PKIG: variants seen among roughly 807,000 people sequenced by gnomAD.
PKIG encodes protein kinase (cAMP-dependent, catalytic) inhibitor gamma.
PKIG carries 1 observed loss-of-function variant against 6.8 expected under a neutral mutation model. The ratio of observed to expected loss-of-function variants is 0.15; its 90% CI spans 0.05 to 0.69. PKIG has a LOEUF of 0.69. Among genes scored for constraint, PKIG ranks in the 30% least tolerant of loss-of-function variants. The pLI, the probability that PKIG is intolerant of heterozygous loss-of-function variation, is 0.82. For synonymous variants in PKIG, 39 were observed against 43.0 expected, an observed-to-expected ratio of 0.91 and a Z score of 0.36; for missense variants, 77 against 104.0, an observed-to-expected ratio of 0.74 and a Z score of 1.13.
At chr20:44,540,313 C>G (rs564165308) in intron 1 of PKIG, among the ~76,000 whole-genome samples, 1 of 152,208 alleles carries the variant, frequency 6.6e-6, no homozygotes, top group East Asian at 1.9e-4. Flanking sequence ...GTTTCCCAGT[C>G]AAGGATTCAT....
chr20:44,607,825 C>T (rs2065180037), intron 2 of PKIG, among the ~76,000 whole-genome samples: 1 of 151,900 alleles, frequency 6.6e-6, no homozygotes, highest in African/African-American at 2.4e-5. Flanking sequence ...GCTGGGACTA[C>T]AGGCGCCCAC....
At chr20:44,540,494 T>A (rs1372136247) in intron 1 of PKIG, among the ~76,000 whole-genome samples, 4 of 152,206 alleles carry the variant, frequency 2.6e-5, no homozygotes, top group African/African-American at 9.7e-5. Context: ...CCTGGTCAAA[T>A]TGAACTGGAT....
intron 1 of PKIG, among the ~76,000 whole-genome samples, chr20:44,549,276 C>T (rs1428052816): frequency 1.3e-5 from 2 of 152,060 alleles, no homozygotes; most frequent in Admixed American, 6.6e-5. Context: ...AAAACACGTA[C>T]AAGATACAGT....
At chr20:44,584,055 TTGAG>T (rs1363189315) in intron 1 of PKIG, among the ~76,000 whole-genome samples, 1 of 152,210 alleles carries the variant, frequency 6.6e-6, no homozygotes, top group Non-Finnish European at 1.5e-5. Context: ...ATTGGCATTA[TTGAG>T]TATCTCTTAA....
At chr20:44,544,875 C>G (rs1029891062) in intron 1 of PKIG, among the ~76,000 whole-genome samples, 8 of 148,634 alleles carry the variant, frequency 5.4e-5, no homozygotes, top group Admixed American at 1.3e-4. Context: ...TTTACATTGA[C>G]TTTCCTCTTT....
chr20:44,552,166 C>T (rs1235978289), intron 1 of PKIG, among the ~76,000 whole-genome samples: 2 of 152,098 alleles, frequency 1.3e-5, no homozygotes. Context: ...TTACTTTTCT[C>T]TGTTGTCTGT....
intron 1 of PKIG, among the ~76,000 whole-genome samples, chr20:44,543,899 C>T (rs750342857): frequency 1.9e-4 from 29 of 151,924 alleles, no homozygotes; most frequent in Middle Eastern, 3.2e-3. Context: ...CCCGTCTCTA[C>T]TAAAAATACA....
In PKIG at chr20:44,614,583, G is replaced by A. The variant is rs2065246737; in HGVS notation, c.27G>A (p.Ser9=). ...TGATGGAGGTCGAGTCCTCCTACTC[G>A]GACTTCATCTCCTGTGACCGGACAG... MMEVESSY[S]DFISCDRTGR... Residue 9 remains serine (S), a synonymous_variant, in exon 3 of 4, where the codon TCG becomes TCA. Coordinates refer to ENST00000372886, the MANE Select transcript of PKIG (RefSeq NM_001281445.2). This position sits in a 1 kb window ranked among gnomAD's most constrained non-coding sequence, Gnocchi z 4.6. 3 of 1,614,060 alleles carry A rather than the reference G, an allele frequency of 1.9e-6. No individual in the cohort carries two copies. Among genetic ancestry groups the A allele is most frequent in the Admixed American group, 1.7e-5 (1 of 60,018 alleles).
intron 3 of PKIG, among the ~76,000 whole-genome samples, chr20:44,617,408 A>G (rs2123491437): frequency 6.6e-6 from 1 of 152,248 alleles, no homozygotes; most frequent in Admixed American, 6.5e-5. Context: ...CAGCCTGAGG[A>G]GGAAAGCATG....
chr20:44,558,563 C>CTTTT (rs1460080835), intron 1 of PKIG, among the ~76,000 whole-genome samples: 1 of 140,958 alleles, frequency 7.1e-6, no homozygotes, highest in African/African-American at 2.8e-5. Context: ...CTTTTTCTTT[C>CTTTT]TTTTTTTCTT....
At position 44,614,340 on chromosome 20, in the gene PKIG, ATGG is replaced by A; in HGVS notation, c.-23-189_-23-187del. ...TGAGCCCATGTTCTTTAAAATGTTG[ATGG>A]TGGTTGTCTGGGTGTGGAATTATGA... On this transcript the variant is annotated intron_variant, in intron 2 of 3. Transcript: ENST00000372886. The surrounding 1 kb of genome is among the most constrained non-coding windows in gnomAD (Gnocchi z 4.6). 1 of 507,146 alleles carries A rather than the reference ATGG, an allele frequency of 2.0e-6. No individual in the cohort carries two copies. Among genetic ancestry groups the A allele is most frequent in the Non-Finnish European group, 3.5e-6 (1 of 285,690 alleles). 31.4% of individuals were successfully genotyped at this position (507,146 alleles called of 1,614,324 possible). A position where few individuals can be genotyped will look rare whatever the true frequency, so the allele number is the denominator to read the frequency against.
chr20:44,566,985 G>C (rs2064815830), intron 1 of PKIG, among the ~76,000 whole-genome samples: 1 of 152,134 alleles, frequency 6.6e-6, no homozygotes, highest in Admixed American at 6.6e-5. Flanking sequence ...CATTTCCTTA[G>C]GAGTTTTGTC....
intron 1 of PKIG, among the ~76,000 whole-genome samples, chr20:44,539,453 C>T (rs2064541342): frequency 6.7e-6 from 1 of 148,672 alleles, no homozygotes; most frequent in Non-Finnish European, 1.5e-5. Context: ...AAGTTTTGCT[C>T]TTGTTGCCCA....
chr20:44,589,330 G>T (rs906418944), intron 1 of PKIG, among the ~76,000 whole-genome samples: 1 of 151,610 alleles, frequency 6.6e-6, no homozygotes, highest in African/African-American at 2.4e-5. Flanking sequence ...AGTGAGACCT[G>T]GTCTCTTAAA....
At chr20:44,573,798 A>G (rs1206560326) in intron 1 of PKIG, among the ~76,000 whole-genome samples, 1 of 152,234 alleles carries the variant, frequency 6.6e-6, no homozygotes, top group East Asian at 1.9e-4. Flanking sequence ...GAATAGCAAT[A>G]ATTGTTATTA....
chr20:44,573,284 C>T (rs886540765), intron 1 of PKIG, among the ~76,000 whole-genome samples: 3 of 152,252 alleles, frequency 2.0e-5, no homozygotes, highest in Non-Finnish European at 4.4e-5. Flanking sequence ...CCCTCTCTCT[C>T]TCTTTAAAAT....
chr20:44,591,171 G>C (rs1165563316), intron 2 of PKIG, among the ~76,000 whole-genome samples: 3 of 152,150 alleles, frequency 2.0e-5, no homozygotes, highest in Admixed American at 1.3e-4. Flanking sequence ...ACTTGGAGAA[G>C]AGTGGGCGGG....
intron 1 of PKIG, among the ~76,000 whole-genome samples, chr20:44,533,166 A>G (rs2064482654): frequency 6.6e-6 from 1 of 151,912 alleles, no homozygotes; most frequent in African/African-American, 2.4e-5. Context: ...GTGGTGATTC[A>G]TATATATGTG....
upstream of PKIG, among the ~76,000 whole-genome samples, chr20:44,579,574 A>C (rs147720983): frequency 1.3e-4 from 20 of 152,312 alleles, no homozygotes; most frequent in Non-Finnish European, 2.6e-4. Context: ...CCTGCACCCG[A>C]TTATTGTGAG....
Sources: gnomAD v4.1 joint callset for allele counts (sites outside exome capture counted in the v4.1 genomes callset) on GRCh38, gnomAD v4.1.1 for gene constraint, Gnocchi (gnomAD v3.1) non-coding constraint, MANE v1.5 for transcripts, NCBI Gene and HGNC (gene_info 2026-07-23, HGNC 2026-07-21) for gene names.